RNFT2: variants seen among roughly 807,000 people sequenced by gnomAD.
The protein encoded by RNFT2 is E3 ubiquitin-protein ligase RNFT2.
RNFT2 carries 36 observed loss-of-function variants against 53.0 expected under a neutral mutation model. The ratio of observed to expected loss-of-function variants is 0.68; its 90% CI spans 0.52 to 0.90. The LOEUF is 0.90. Among genes scored for constraint, RNFT2 ranks in the 40% least tolerant of loss-of-function variants. RNFT2 has a pLI of 0.00. For missense variants in RNFT2, 514 were observed against 585.6 expected, an observed-to-expected ratio of 0.88 and a Z score of 1.26; for synonymous variants, 260 against 253.2, an observed-to-expected ratio of 1.03 and a Z score of -0.26.
chr12:116,800,762 T>C (rs1874732364), intron 7 of RNFT2, among the ~76,000 whole-genome samples: 1 of 151,520 alleles, frequency 6.6e-6, no homozygotes, highest in African/African-American at 2.4e-5. Flanking sequence ...TGCAGTGAGC[T>C]GAGATTGTGC....
At chr12:116,794,223 C>T (rs1199160678) in intron 7 of RNFT2, among the ~76,000 whole-genome samples, 1 of 151,726 alleles carries the variant, frequency 6.6e-6, no homozygotes, top group Non-Finnish European at 1.5e-5. Context: ...AATGACTGGG[C>T]CACTGTACTT....
chr12:116,853,153 C>T lies in RNFT2; in HGVS notation c.*3705C>T, dbSNP rs1878007971. 4.9e-6 allele frequency: 2 copies of T among 410,664 alleles called. No homozygotes were observed. Among genetic ancestry groups the T allele is most frequent in the Admixed American group, 4.1e-5 (1 of 24,270 alleles). The allele number at this position is 410,664 out of a possible 1,614,324, so 25.4% of individuals were successfully genotyped here. A position where few individuals can be genotyped will look rare whatever the true frequency, so the allele number is the denominator to read the frequency against. On this transcript the variant is annotated 3_prime_UTR_variant, in exon 11 of 11. Transcript: ENST00000257575. The stretch of plus-strand genomic sequence containing the variant: ...TGAGGAGTGTTTCCAACACAGGCTA[C>T]ATGAATTCCCCTATACCAGTGCGAA...
rs139305837 is a variant in RNFT2, at chr12:116,806,367, C to CAAA, written c.882+27032_882+27034dup. ...CCTGGGTAACAGAGTGAGACTGTCT[C>CAAA]AAAAAAAAAAAAAAATATATATATA... is the stretch of plus-strand genomic sequence containing the variant. On this transcript the variant is annotated intron_variant, in intron 7 of 10. Transcript: ENST00000257575. Among the ~76,000 whole-genome samples, 604 of 113,926 alleles carry CAAA rather than the reference C, an allele frequency of 5.3e-3. 8 individuals are homozygous for CAAA. The highest frequency in any genetic ancestry group is 0.02 in the African/African-American group (517 of 25,828). 74.7% of individuals were successfully genotyped at this position (113,926 alleles called of 152,430 possible).
At position 116,743,213 on chromosome 12, in the gene RNFT2, T is replaced by TAAAAAAAAAAAAAAAAAAAAAAAA. The variant is rs762013507; in HGVS notation, c.83+2127_83+2150dup. 2.2e-3 allele frequency among the ~76,000 whole-genome samples: 23 copies of TAAAAAAAAAAAAAAAAAAAAAAAA among 10,678 alleles called. 7 individuals are homozygous for TAAAAAAAAAAAAAAAAAAAAAAAA. The highest frequency in any genetic ancestry group is 3.1e-3 in the Non-Finnish European group (18 of 5,810). The allele number at this position is 10,678 out of a possible 152,430, so 7.0% of individuals were successfully genotyped here. A position where few individuals can be genotyped will look rare whatever the true frequency, so the allele number is the denominator to read the frequency against. On this transcript the variant is annotated intron_variant, in intron 3 of 10. Coordinates refer to ENST00000257575, the MANE Select transcript of RNFT2 (RefSeq NM_001382266.1). Reference sequence around the variant, plus strand: ...TGATTAATAGATACCAGGTAGAATCTAAAAAAAAAAAAAAAAAAAAAAAAA... The same window carrying TAAAAAAAAAAAAAAAAAAAAAAAA: ...TGATTAATAGATACCAGGTAGAATCTAAAAAAAAAAAAAAAAAAAAAAAAAAAAAAAAAAAAAAAAAAAAAAAAA...
chr12:116,841,326 G>A (rs1592990931), intron 10 of RNFT2, among the ~76,000 whole-genome samples: 1 of 152,064 alleles, frequency 6.6e-6, no homozygotes, highest in African/African-American at 2.4e-5. Context: ...GGTGGTGCAC[G>A]CCTGTGGTCC....
At chr12:116,842,610 G>A (rs1188099507) in intron 10 of RNFT2, among the ~76,000 whole-genome samples, 1 of 152,080 alleles carries the variant, frequency 6.6e-6, no homozygotes, top group East Asian at 1.9e-4. Context: ...GTCTCCCTCT[G>A]TCACCCAGGC....
chr12:116,836,108 A>G (rs1407373649), intron 9 of RNFT2, 73 bp from the exon 10 acceptor site: 46 of 1,597,500 alleles, frequency 2.9e-5, no homozygotes, highest in Non-Finnish European at 3.8e-5. Context: ...CAGCCCACAG[A>G]TCTCACAGTG....
intron 6 of RNFT2, among the ~76,000 whole-genome samples, chr12:116,770,431 C>T (rs746773463): frequency 1.3e-5 from 2 of 152,140 alleles, no homozygotes; most frequent in Non-Finnish European, 2.9e-5. Context: ...GACCAGGTCA[C>T]CTAAGGATGT....
chr12:116,802,886 G>A (rs932036433), intron 7 of RNFT2, among the ~76,000 whole-genome samples: 4 of 151,994 alleles, frequency 2.6e-5, no homozygotes, highest in African/African-American at 4.8e-5. Flanking sequence ...CTTGAATCCA[G>A]GAGTTCGAAC....
chr12:116,792,078 G>C (rs1000112560), intron 7 of RNFT2, among the ~76,000 whole-genome samples: 17 of 152,152 alleles, frequency 1.1e-4, no homozygotes, highest in African/African-American at 4.1e-4. Flanking sequence ...TTTTGAGACA[G>C]AGTCTCTGTT....
chr12:116,773,109 G>A (rs998057600), intron 6 of RNFT2, among the ~76,000 whole-genome samples: 2 of 152,200 alleles, frequency 1.3e-5, no homozygotes, highest in African/African-American at 4.8e-5. Context: ...TTACAGGTAT[G>A]AGCCACCACG....
rs1391193568 is a variant in RNFT2 at position 116,828,911 on chromosome 12, AAG to A, written c.883-4880_883-4879del. On this transcript the variant is annotated intron_variant, in intron 7 of 10. Coordinates refer to ENST00000257575, the MANE Select transcript of RNFT2 (RefSeq NM_001382266.1). ...GTCCCTACAGGGGACTCAGGAAGCC[AAG>A]CTGGCAGGAGGATCACTTGAGCCCA... Among the ~76,000 whole-genome samples the A allele has an allele frequency of 3.3e-5, 5 of 152,196 alleles. No individual in the cohort carries two copies. In the East Asian group the frequency reaches 5.8e-4, roughly 18 times the overall value.
chr12:116,805,486 G>T (rs949955297), intron 7 of RNFT2, among the ~76,000 whole-genome samples: 2 of 151,992 alleles, frequency 1.3e-5, no homozygotes, highest in East Asian at 1.9e-4. Context: ...TGTTGTTGTT[G>T]TTTTTTGACA....
At chr12:116,849,239 C>T (rs1877776609) in intron 10 of RNFT2, 75 bp from the exon 11 acceptor site, 2 of 1,284,326 alleles carry the variant, frequency 1.6e-6, no homozygotes, top group Non-Finnish European at 1.1e-6. Context: ...AGTCCGCTGC[C>T]CCTTCTCCTG....
chr12:116,750,916 T>C, intron 4 of RNFT2, among the ~76,000 whole-genome samples: 1 of 125,356 alleles, frequency 8.0e-6, no homozygotes, highest in South Asian at 2.5e-4. Flanking sequence ...ATATTTTTTT[T>C]TGAGACAGGG....
intron 5 of RNFT2, among the ~76,000 whole-genome samples, chr12:116,760,444 A>T (rs1872653507): frequency 6.6e-6 from 1 of 152,074 alleles, no homozygotes; most frequent in South Asian, 2.1e-4. Flanking sequence ...CCTTGCTCCT[A>T]CCCATTGGAT....
At chr12:116,842,451 C>T (rs1209987557) in intron 10 of RNFT2, among the ~76,000 whole-genome samples, 1 of 152,142 alleles carries the variant, frequency 6.6e-6, no homozygotes, top group Non-Finnish European at 1.5e-5. Context: ...GCACAGCTCC[C>T]CCTCTCTTGA....
rs1877830067 is a variant in RNFT2 at position 116,849,888 on chromosome 12, G to A, written c.*440G>A. ...AAACAAGGTCTCGCTCTATCACCCA[G>A]GCTGGAGTGCAGTGGCACAATCTCG... is the stretch of plus-strand genomic sequence containing the variant. On this transcript the variant is annotated 3_prime_UTR_variant, in exon 11 of 11. Transcript: ENST00000257575. 2.1e-5 allele frequency: 4 copies of A among 191,036 alleles called. No homozygotes were observed. Among genetic ancestry groups the A allele is most frequent in the Non-Finnish European group, 3.0e-5 (4 of 131,530 alleles). 11.8% of individuals were successfully genotyped at this position (191,036 alleles called of 1,614,324 possible). A position where few individuals can be genotyped will look rare whatever the true frequency, so the allele number is the denominator to read the frequency against.
Position 116,740,169 on chromosome 12 carries a change from G to A in RNFT2, c.-153-176G>A, listed in dbSNP as rs942470672. ...GCAGAGGTTGCAGTGAGCCAAGATCGCACCACTCCGTCTTAAAAAAAAAAA... is the reference window on the plus strand; with the variant it reads ...GCAGAGGTTGCAGTGAGCCAAGATCACACCACTCCGTCTTAAAAAAAAAAA... On this transcript the variant is annotated intron_variant, in intron 1 of 10. Transcript: ENST00000257575. Among the ~76,000 whole-genome samples the A allele has an allele frequency of 2.6e-5, 4 of 151,378 alleles. No homozygotes were observed. In the East Asian group the frequency reaches 5.8e-4, roughly 22 times the overall value.
Sources: allele counts gnomAD v4.1 joint callset (sites outside exome capture counted in the v4.1 genomes callset), GRCh38; gene constraint gnomAD v4.1.1; transcripts MANE v1.5; gene names NCBI Gene and HGNC (gene_info 2026-07-23, HGNC 2026-07-21).